Variants in THSD7B observed in about 807,000 individuals in gnomAD.
The protein encoded by THSD7B is thrombospondin type-1 domain-containing protein 7B.
A neutral mutation model predicts 213.6 loss-of-function variants in THSD7B; 138 were observed. The observed-to-expected ratio is 0.65, with a 90% confidence interval of 0.56 to 0.74. The LOEUF is 0.74. THSD7B is among the 30% of genes least tolerant of loss of function. The pLI, the probability that THSD7B is intolerant of heterozygous loss-of-function variation, is 0.00. For synonymous variants in THSD7B, 742 were observed against 687.0 expected, an observed-to-expected ratio of 1.08 and a Z score of -1.25; for missense variants, 1,931 against 1,991.5, an observed-to-expected ratio of 0.97 and a Z score of 0.58.
rs1687186743 is a variant in THSD7B, at chr2:137,057,226, T to C, written c.946T>C (p.Leu316=). ...AAGAAGTGATGGACAAAATGCTATG[T>C]TAAGGTAGGAGACCTTTGATGCTTG... The part of the protein sequence containing the change: ...CTRSDGQNAM[L]SLCLQDSFPL... Residue 316 remains leucine, a synonymous_variant, in exon 3 of 28, where the codon TTA becomes CTA. Coordinates refer to ENST00000409968, the MANE Select transcript of THSD7B (RefSeq NM_001316349.2). The C allele has an allele frequency of 6.2e-7, 1 of 1,606,800 alleles. No individual in the cohort carries two copies. Among genetic ancestry groups the C allele is most frequent in the Non-Finnish European group, 8.5e-7 (1 of 1,175,588 alleles).
intron 1 of THSD7B, among the ~76,000 whole-genome samples, chr2:136,804,403 AACACACACACACAC>A (rs3030361): frequency 1.1e-4 from 17 of 148,178 alleles, no homozygotes; most frequent in East Asian, 4.0e-4. Context: ...ACACACACAT[AACACACACACACAC>A]ACACACACAC....
At chr2:137,078,342 T>C (rs1374841048) in intron 3 of THSD7B, among the ~76,000 whole-genome samples, 1 of 152,178 alleles carries the variant, frequency 6.6e-6, no homozygotes, top group Non-Finnish European at 1.5e-5. Flanking sequence ...ATTTTTGCCA[T>C]ATGTAAGAAA....
chr2:137,326,633 A>T (rs146725035), intron 12 of THSD7B, among the ~76,000 whole-genome samples: 3 of 152,186 alleles, frequency 2.0e-5, no homozygotes, highest in Admixed American at 2.0e-4. Context: ...ACTGTCTTTC[A>T]TAGTAACAAA....
At position 136,906,936 on chromosome 2, in the gene THSD7B, G is replaced by GTTTTTTT. The variant is rs57887270; in HGVS notation, c.139+24642_139+24648dup. Among the ~76,000 whole-genome samples, 226 of 55,128 alleles carry GTTTTTTT rather than the reference G, an allele frequency of 4.1e-3. 48 individuals are homozygous for GTTTTTTT. The highest frequency in any genetic ancestry group is 8.6e-3 in the African/African-American group (97 of 11,282). 36.2% of individuals were successfully genotyped at this position (55,128 alleles called of 152,430 possible). A position where few individuals can be genotyped will look rare whatever the true frequency, so the allele number is the denominator to read the frequency against. On this transcript the variant is annotated intron_variant, in intron 2 of 27. Transcript: ENST00000409968. Reference sequence around the variant, plus strand: ...ATTCATAGATTCCTTACATTTCAAGGTTTTTTTTTTTTTTTTTTTTTTTTT... The same window carrying GTTTTTTT: ...ATTCATAGATTCCTTACATTTCAAGGTTTTTTTTTTTTTTTTTTTTTTTTTTTTTTTT...
At chr2:137,282,045 C>G (rs962950846) in intron 12 of THSD7B, among the ~76,000 whole-genome samples, 10 of 151,854 alleles carry the variant, frequency 6.6e-5, no homozygotes, top group Non-Finnish European at 1.0e-4. Context: ...TCCTATTTCT[C>G]CACATCCTCT....
At chr2:137,326,701 G>A (rs1252173704) in intron 12 of THSD7B, among the ~76,000 whole-genome samples, 4 of 152,144 alleles carry the variant, frequency 2.6e-5, no homozygotes, top group Admixed American at 6.5e-5. Context: ...AGCCATTTTG[G>A]AGATATTAAA....
Position 137,676,552 on chromosome 2 carries a change from C to G in THSD7B, c.4768C>G (p.Pro1590Ala), listed in dbSNP as rs754629163. ...CKKPKPHQSTPPQQKPLTLAY... is the reference protein window; with the variant it reads ...CKKPKPHQSTAPQQKPLTLAY... Reference sequence around the variant, plus strand: ...GAAGCCAAAACCACATCAAAGCACACCTCCCCAACAGAAGCCTCTGACCTT... The same window carrying G: ...GAAGCCAAAACCACATCAAAGCACAGCTCCCCAACAGAAGCCTCTGACCTT... Residue 1590 changes from proline (P) to alanine (A), a missense_variant, in exon 28 of 28, where the codon CCT (proline) becomes GCT (alanine). Coordinates refer to ENST00000409968, the MANE Select transcript of THSD7B (RefSeq NM_001316349.2). The G allele has an allele frequency of 3.8e-6, 6 of 1,598,266 alleles. No homozygotes were observed. The Admixed American group carries it at 1.0e-4, about 28-fold the overall frequency.
chr2:136,782,525 G>T (rs544014369), intron 1 of THSD7B, among the ~76,000 whole-genome samples: 5 of 152,034 alleles, frequency 3.3e-5, no homozygotes, highest in Non-Finnish European at 7.3e-5. Flanking sequence ...TGTTCACCTG[G>T]TGCTTCTGCC....
intron 14 of THSD7B, among the ~76,000 whole-genome samples, chr2:137,421,094 G>A (rs1027749602): frequency 2.6e-5 from 4 of 152,024 alleles, no homozygotes; most frequent in Non-Finnish European, 5.9e-5. Context: ...GGACAATTTA[G>A]GATAACCTTT....
intron 1 of THSD7B, among the ~76,000 whole-genome samples, chr2:136,810,228 G>A (rs972091849): frequency 5.9e-5 from 9 of 152,162 alleles, no homozygotes; most frequent in African/African-American, 2.2e-4. Flanking sequence ...CAGCCACAGA[G>A]GAGCTAAGCT....
rs77861784 is a variant in THSD7B, at chr2:136,853,289, G to A, written c.-35-28855G>A. On this transcript the variant is annotated intron_variant, in intron 1 of 27. Coordinates refer to ENST00000409968, the MANE Select transcript of THSD7B (RefSeq NM_001316349.2). ...CCAGGATCTTGTGTTTCATTTAGTC[G>A]TCAGGTCTCAGTAGTCTCTCTCAAA... Among the ~76,000 whole-genome samples, 747 of 152,070 alleles carry A rather than the reference G, an allele frequency of 4.9e-3. 14 individuals carry two copies. The South Asian group carries it at 0.07, about 14-fold the overall frequency.
chr2:137,089,415 CATATATGTATATATGTGTAT>C (rs1361518822), intron 3 of THSD7B, among the ~76,000 whole-genome samples: 4 of 122,692 alleles, frequency 3.3e-5, no homozygotes, highest in South Asian at 2.6e-4. Context: ...TATACACACA[CATATATGTATATATGTGTAT>C]ATATATGTGC....
chr2:137,615,835 T>C (rs1251894222), intron 17 of THSD7B, among the ~76,000 whole-genome samples: 1 of 152,068 alleles, frequency 6.6e-6, no homozygotes, highest in Admixed American at 6.6e-5. Flanking sequence ...AAAAAAAGCA[T>C]TTAAACATTC....
intron 15 of THSD7B, among the ~76,000 whole-genome samples, chr2:137,546,530 G>A (rs1221605193): frequency 6.6e-5 from 7 of 106,042 alleles, no homozygotes; most frequent in Non-Finnish European, 1.1e-4. Flanking sequence ...GATAAACCAG[G>A]GACAATGGTT....
chr2:137,207,011 C>T (rs1680999081), intron 7 of THSD7B, among the ~76,000 whole-genome samples: 1 of 151,668 alleles, frequency 6.6e-6, no homozygotes. Flanking sequence ...ACTGTTTTTC[C>T]AAAAAGGAAA....
chr2:137,538,522 T>C (rs1403639308), intron 15 of THSD7B: 3 of 513,904 alleles, frequency 5.8e-6, no homozygotes, highest in East Asian at 1.1e-4. Flanking sequence ...TTTTGATCTT[T>C]ATTGTTTTTA....
intron 5 of THSD7B, chr2:137,156,102 C>T (rs1184098607): frequency 2.0e-5 from 3 of 152,144 alleles, no homozygotes; most frequent in African/African-American, 7.2e-5. Context: ...CACTCTAGCT[C>T]CGAAAGTCCT....
intron 3 of THSD7B, among the ~76,000 whole-genome samples, chr2:137,060,250 T>A (rs974279943): frequency 2.0e-5 from 3 of 152,138 alleles, no homozygotes; most frequent in African/African-American, 7.2e-5. Flanking sequence ...TATTTGTATA[T>A]TTTGGATACC....
chr2:137,264,402 G>A (rs549653047), intron 10 of THSD7B, among the ~76,000 whole-genome samples: 4 of 152,008 alleles, frequency 2.6e-5, no homozygotes, highest in East Asian at 3.9e-4. Context: ...ACAGGCACCC[G>A]CCACCATGCC....
Sources: gnomAD v4.1 joint callset for allele counts (sites outside exome capture counted in the v4.1 genomes callset) on GRCh38, gnomAD v4.1.1 for gene constraint, MANE v1.5 for transcripts, NCBI Gene and HGNC (gene_info 2026-07-23, HGNC 2026-07-21) for gene names.